Variants in SPINK14 observed in about 807,000 individuals in gnomAD.
The protein encoded by SPINK14 is serine peptidase inhibitor Kazal type 14 (putative).
A neutral mutation model predicts 14.2 loss-of-function variants in SPINK14; 6 were observed. The ratio of observed to expected loss-of-function variants is 0.42; its 90% CI spans 0.23 to 0.83. The LOEUF is 0.83. Ranked by LOEUF, SPINK14 falls within the 40% of genes least tolerant of loss-of-function variation. The pLI is 0.28. For missense variants in SPINK14, 86 were observed against 108.3 expected, an observed-to-expected ratio of 0.79 and a Z score of 0.91; for synonymous variants, 34 against 36.8, an observed-to-expected ratio of 0.92 and a Z score of 0.27.
Position 148,175,413 on chromosome 5 carries a change from A to G in SPINK14, c.*15A>G. 5 of 1,576,676 alleles carry G rather than the reference A, an allele frequency of 3.2e-6. No individual in the cohort carries two copies. The highest frequency in any genetic ancestry group is 4.3e-6 in the Non-Finnish European group (5 of 1,158,270). On this transcript the variant is annotated 3_prime_UTR_variant, in exon 5 of 5. Coordinates refer to ENST00000356972, the MANE Select transcript of SPINK14 (RefSeq NM_001001325.2). Reference sequence around the variant, plus strand: ...GAAAATGTTAGCTGAGTGGACTTGAATGTGGAAGATATCTTCTTTTTTTTT... The same window carrying G: ...GAAAATGTTAGCTGAGTGGACTTGAGTGTGGAAGATATCTTCTTTTTTTTT...
Position 148,174,275 on chromosome 5 carries a change from T to C in SPINK14, c.153T>C (p.Asn51=), listed in dbSNP as rs1755141624. The part of the protein sequence containing the change: ...PYEKVNLSWY[N]GTVNPCPGLY... Reference sequence around the variant, plus strand: ...AGAAAGTAAACTTGAGCTGGTACAATGGAACGGTCAACCCCTGCCCTGGCT... The same window carrying C: ...AGAAAGTAAACTTGAGCTGGTACAACGGAACGGTCAACCCCTGCCCTGGCT... Residue 51 remains asparagine (N), a synonymous_variant, in exon 4 of 5, where the codon AAT becomes AAC. Transcript: ENST00000356972. 9.0e-7 allele frequency: 1 copy of C among 1,114,288 alleles called. No homozygotes were observed. The highest frequency in any genetic ancestry group is 2.0e-5 in the Admixed American group (1 of 49,046). The allele number at this position is 1,114,288 out of a possible 1,614,324, so 69.0% of individuals were successfully genotyped here. A position where few individuals can be genotyped will look rare whatever the true frequency, so the allele number is the denominator to read the frequency against.
chr5:148,171,080 T>C, intron 3 of SPINK14, 107 bp downstream of exon 3: 1 of 1,008,924 alleles, frequency 9.9e-7, no homozygotes, highest in Non-Finnish European at 1.5e-6. Flanking sequence ...CCCGTAATAG[T>C]CTTCAAGGCC....
intron 1 of SPINK14, among the ~76,000 whole-genome samples, chr5:148,168,832 A>C: frequency 6.6e-6 from 1 of 152,176 alleles, no homozygotes; most frequent in East Asian, 1.9e-4. Flanking sequence ...TAATGTCTTA[A>C]GTAACACCTG....
At position 148,173,605 on chromosome 5, in the gene SPINK14, G is replaced by C; in HGVS notation, c.112-629G>C. The stretch of plus-strand genomic sequence containing the variant: ...TAGAAAGTCTCTAAGAATCTTTCCA[G>C]ATCTAATAATTGGGGCATAAAGAAG... On this transcript the variant is annotated intron_variant, in intron 3 of 4. Coordinates refer to ENST00000356972, the MANE Select transcript of SPINK14 (RefSeq NM_001001325.2). Among the ~76,000 whole-genome samples the C allele has an allele frequency of 2.1e-5, 2 of 96,896 alleles. 1 individual carries two copies. Among genetic ancestry groups the C allele is most frequent in the Non-Finnish European group, 4.4e-5 (2 of 45,274 alleles). The allele number at this position is 96,896 out of a possible 152,430, so 63.6% of individuals were successfully genotyped here.
rs1204963699 is a variant in SPINK14, at chr5:148,173,681, CT to C, written c.112-545del. On this transcript the variant is annotated intron_variant, in intron 3 of 4. Transcript: ENST00000356972. The stretch of plus-strand genomic sequence containing the variant: ...AATCTATTTATCTACTCTTCTTATT[CT>C]TTTTTTTAACCATAGCATAGTTGGC... Among the ~76,000 whole-genome samples the C allele has an allele frequency of 3.2e-5, 3 of 93,458 alleles. 1 individual carries two copies. Among genetic ancestry groups the C allele is most frequent in the Non-Finnish European group, 6.8e-5 (3 of 44,090 alleles). 61.3% of individuals were successfully genotyped at this position (93,458 alleles called of 152,430 possible).
chr5:148,169,069 T>A (rs569435534), intron 1 of SPINK14, among the ~76,000 whole-genome samples: 1 of 152,256 alleles, frequency 6.6e-6, no homozygotes, highest in East Asian at 1.9e-4. Flanking sequence ...GAGGATTTGC[T>A]CTCTGACTTT....
chr5:148,169,463 C>T (rs1755071892), intron 1 of SPINK14, among the ~76,000 whole-genome samples, 198 bp from the exon 2 acceptor site: 1 of 152,128 alleles, frequency 6.6e-6, no homozygotes, highest in Non-Finnish European at 1.5e-5. Context: ...TGATTTACTT[C>T]TGAGTATTCA....
At chr5:148,170,186 A>ACT (rs1755085741) in intron 2 of SPINK14, among the ~76,000 whole-genome samples, 1 of 146,926 alleles carries the variant, frequency 6.8e-6, no homozygotes, top group African/African-American at 2.6e-5. Context: ...ACACACACAC[A>ACT]CACACACACA....
rs1755096354 is a variant in SPINK14 at position 148,170,946 on chromosome 5, C to T, written c.84C>T (p.His28=). ...LVLSSVSGPR[H]WWPPRGIIKV... The stretch of plus-strand genomic sequence containing the variant: ...ATTCTCTAGTTTCAGGCCCTAGACA[C>T]TGGTGGCCACCACGTGGAATTATTA... Residue 28 remains histidine (H), a synonymous_variant, in exon 3 of 5, where the codon CAC becomes CAT. Coordinates refer to ENST00000356972, the MANE Select transcript of SPINK14 (RefSeq NM_001001325.2). 6.2e-7 allele frequency: 1 copy of T among 1,612,482 alleles called. No individual in the cohort carries two copies. Among genetic ancestry groups the T allele is most frequent in the Non-Finnish European group, 8.5e-7 (1 of 1,178,974 alleles).
intron 1 of SPINK14, among the ~76,000 whole-genome samples, chr5:148,169,187 A>G (rs1282655956): frequency 2.8e-4 from 42 of 152,172 alleles, no homozygotes; most frequent in Admixed American, 2.8e-3. Flanking sequence ...CAACATCAGA[A>G]GATCCTTGGT....
chr5:148,175,441 CTCCA>C lies in SPINK14; in HGVS notation c.*45_*48del, dbSNP rs1561722131. ...TGGAAGATATCTTCTTTTTTTTTTC[CTCCA>C]TGTCTCCAATCTCCCTCTTGCGCTT... On this transcript the variant is annotated 3_prime_UTR_variant, in exon 5 of 5. Transcript: ENST00000356972. 2 of 290,680 alleles carry C rather than the reference CTCCA, an allele frequency of 6.9e-6. No individual in the cohort carries two copies. The highest frequency in any genetic ancestry group is 1.9e-4 in the African/African-American group (2 of 10,710). The allele number at this position is 290,680 out of a possible 1,614,324, so 18.0% of individuals were successfully genotyped here.
intron 2 of SPINK14, among the ~76,000 whole-genome samples, chr5:148,170,193 CACAT>C (rs1161684984): frequency 2.1e-5 from 3 of 146,208 alleles, no homozygotes; most frequent in Non-Finnish European, 3.0e-5. Context: ...CACACACACA[CACAT>C]ACATATATAT....
intron 3 of SPINK14, among the ~76,000 whole-genome samples, chr5:148,173,086 G>T (rs1350776407): frequency 6.6e-6 from 1 of 151,112 alleles, no homozygotes; most frequent in Non-Finnish European, 1.5e-5. Context: ...GGAGGGATTA[G>T]TTGGGTAACG....
rs1475438117 is a variant in SPINK14, at chr5:148,174,491, A to T, written c.248+121A>T. ...CAGGAATTTGCTCCAGTTCACACAGATAATAATCAGCACCCACTCAGAAAA... is the reference window on the plus strand; with the variant it reads ...CAGGAATTTGCTCCAGTTCACACAGTTAATAATCAGCACCCACTCAGAAAA... On this transcript the variant is annotated intron_variant, in intron 4 of 4. Coordinates refer to ENST00000356972, the MANE Select transcript of SPINK14 (RefSeq NM_001001325.2). 5 of 571,352 alleles carry T rather than the reference A, an allele frequency of 8.8e-6. 1 individual carries two copies. The highest frequency in any genetic ancestry group is 1.4e-5 in the Non-Finnish European group (5 of 360,382). The allele number at this position is 571,352 out of a possible 1,614,324, so 35.4% of individuals were successfully genotyped here. A position where few individuals can be genotyped will look rare whatever the true frequency, so the allele number is the denominator to read the frequency against.
Position 148,169,753 on chromosome 5 carries a change from A to T in SPINK14, c.21A>T (p.Val7=). The change falls in exon 2 of 5, where the codon GTA becomes GTT. Residue 7 remains valine (V), a synonymous_variant. Coordinates refer to ENST00000356972, the MANE Select transcript of SPINK14 (RefSeq NM_001001325.2). The part of the protein sequence containing the change: MAKSFP[V]FSLLSFILIH... The stretch of plus-strand genomic sequence containing the variant: ...GAAAAATGGCCAAATCTTTCCCAGT[A>T]TTCTCACTTTTGTCCTTTATCTTGA... 6.2e-7 allele frequency: 1 copy of T among 1,606,100 alleles called. No individual in the cohort carries two copies. The highest frequency in any genetic ancestry group is 8.5e-7 in the Non-Finnish European group (1 of 1,176,138).
chr5:148,175,425 T>C lies in SPINK14; in HGVS notation c.*27T>C, dbSNP rs1442124520. 3.4e-6 allele frequency: 5 copies of C among 1,484,868 alleles called. No homozygotes were observed. Among genetic ancestry groups the C allele is most frequent in the Admixed American group, 3.7e-5 (2 of 54,218 alleles). 92.0% of individuals were successfully genotyped at this position (1,484,868 alleles called of 1,614,324 possible). On this transcript the variant is annotated 3_prime_UTR_variant, in exon 5 of 5. Coordinates refer to ENST00000356972, the MANE Select transcript of SPINK14 (RefSeq NM_001001325.2). ...TGAGTGGACTTGAATGTGGAAGATA[T>C]CTTCTTTTTTTTTTCCTCCATGTCT...
At chr5:148,169,379 A>G (rs561268066) in intron 1 of SPINK14, among the ~76,000 whole-genome samples, 1 of 152,204 alleles carries the variant, frequency 6.6e-6, no homozygotes, top group South Asian at 2.1e-4. Context: ...AGCTTCAGGT[A>G]AGGAGTTGCT....
At chr5:148,172,134 C>T (rs1403126340) in intron 3 of SPINK14, among the ~76,000 whole-genome samples, 1 of 152,080 alleles carries the variant, frequency 6.6e-6, no homozygotes, top group African/African-American at 2.4e-5. Flanking sequence ...TAGAGAATAT[C>T]TGTTGAGTGT....
intron 1 of SPINK14, among the ~76,000 whole-genome samples, chr5:148,169,438 CCA>C (rs1755071746): frequency 6.6e-6 from 1 of 152,058 alleles, no homozygotes. Flanking sequence ...ACACTTATGC[CCA>C]CAGAGTAACC....
Sources: allele counts gnomAD v4.1 joint callset (sites outside exome capture counted in the v4.1 genomes callset), GRCh38; gene constraint gnomAD v4.1.1; transcripts MANE v1.5; gene names NCBI Gene and HGNC (gene_info 2026-07-23, HGNC 2026-07-21).